ABCC2: variants seen among roughly 807,000 people sequenced by gnomAD.
The protein encoded by ABCC2 is ATP-binding cassette sub-family C member 2.
Under a neutral mutation model 173.4 loss-of-function variants are expected in ABCC2, and 157 were observed. The observed-to-expected ratio is 0.91, with a 90% CI of 0.80 to 1.03. The LOEUF is 1.03. Among genes scored for constraint, ABCC2 ranks in the 50% least tolerant of loss-of-function variants. ABCC2 has a pLI of 0.00. For synonymous variants in ABCC2, 657 were observed against 693.5 expected, an observed-to-expected ratio of 0.95 and a Z score of 0.83; for missense variants, 1,822 against 1,852.3, an observed-to-expected ratio of 0.98 and a Z score of 0.30.
chr10:99,819,434 T>C (rs1290748100), intron 19 of ABCC2, among the ~76,000 whole-genome samples, 165 bp downstream of exon 19: 2 of 152,312 alleles, frequency 1.3e-5, no homozygotes, highest in South Asian at 2.1e-4. Flanking sequence ...TGAGGAAACA[T>C]AGAAATTGAA....
At chr10:99,839,378 A>C (rs1295259171) in intron 25 of ABCC2, among the ~76,000 whole-genome samples, 7 of 34,892 alleles carry the variant, frequency 2.0e-4, no homozygotes, top group African/African-American at 3.1e-4. Flanking sequence ...ACCCCCCCCC[A>C]CCTCCCTCCC....
chr10:99,816,922 C>A (rs1046899615), intron 16 of ABCC2, among the ~76,000 whole-genome samples: 3 of 152,090 alleles, frequency 2.0e-5, no homozygotes, highest in Non-Finnish European at 2.9e-5. Flanking sequence ...AAAACCGGTC[C>A]CTGGTGCCAA....
Position 99,784,688 on chromosome 10 carries a change from C to CGGAA in ABCC2, c.114_115insGGAA (p.Tyr39GlyfsTer16). 1 of 1,614,244 alleles carries CGGAA rather than the reference C, an allele frequency of 6.2e-7. No homozygotes were observed. Among genetic ancestry groups the CGGAA allele is most frequent in the African/African-American group, 1.3e-5 (1 of 75,064 alleles). ...CTGTTCTGGTGTGGATTCCCTTGGGCTACCTATGGCTCCTGGCCCCCTGGC... is the reference window on the plus strand; with the variant it reads ...CTGTTCTGGTGTGGATTCCCTTGGGCGGAATACCTATGGCTCCTGGCCCCCTGGC... On this transcript the variant is annotated frameshift_variant, in exon 2 of 32. Coordinates refer to ENST00000647814, the MANE Select transcript of ABCC2 (RefSeq NM_000392.5). LOFTEE classifies it high-confidence loss of function.
chr10:99,804,157 T>C lies in ABCC2; in HGVS notation c.1348T>C (p.Leu450=). 6.2e-7 allele frequency: 1 copy of C among 1,614,176 alleles called. No individual in the cohort carries two copies. The highest frequency in any genetic ancestry group is 8.5e-7 in the Non-Finnish European group (1 of 1,180,028). Reference sequence around the variant, plus strand: ...GTGGTCAAGTGTTCTACAGATTGTCTTATCTATCTTCTTCCTATGGAGAGA... The same window carrying C: ...GTGGTCAAGTGTTCTACAGATTGTCCTATCTATCTTCTTCCTATGGAGAGA... The part of the protein sequence containing the change: ...MLWSSVLQIV[L]SIFFLWRELG... Residue 450 remains leucine (L), a synonymous_variant, in exon 10 of 32, where the codon TTA becomes CTA. Coordinates refer to ENST00000647814, the MANE Select transcript of ABCC2 (RefSeq NM_000392.5).
At chr10:99,842,967 C>T (rs1195464619) in intron 26 of ABCC2, among the ~76,000 whole-genome samples, 3 of 151,744 alleles carry the variant, frequency 2.0e-5, no homozygotes, top group Non-Finnish European at 4.4e-5. Context: ...GCAGGAGAAT[C>T]ACTTGAACCC....
At chr10:99,818,388 T>C (rs1283876907) in intron 17 of ABCC2, among the ~76,000 whole-genome samples, 1 of 152,142 alleles carries the variant, frequency 6.6e-6, no homozygotes, top group Non-Finnish European at 1.5e-5. Context: ...AATCTTGAGA[T>C]GTTAGAAGAT....
intron 15 of ABCC2, among the ~76,000 whole-genome samples, chr10:99,812,602 G>GCTC (rs2038235234): frequency 6.6e-6 from 1 of 152,152 alleles, no homozygotes; most frequent in South Asian, 2.1e-4. Context: ...AAGAAAGGAG[G>GCTC]GGTCCTTAGT....
intron 14 of ABCC2, 103 bp from the exon 15 acceptor site, chr10:99,811,433 G>C: frequency 8.3e-7 from 1 of 1,201,684 alleles, no homozygotes; most frequent in Non-Finnish European, 1.2e-6. Flanking sequence ...GCACTTAGCA[G>C]AAACAATCCT....
In ABCC2 at chr10:99,784,583, A is replaced by G. The variant is rs755183483; in HGVS notation, c.34-25A>G. The G allele has an allele frequency of 7.4e-6, 12 of 1,613,024 alleles. No homozygotes were observed. The Admixed American group carries it at 1.2e-4, about 16-fold the overall frequency. The stretch of plus-strand genomic sequence containing the variant: ...TCTGTCTTCACAATGCATGTATGCA[A>G]CAATCCTTCCCCTTTGGTCTCCAGA... On this transcript the variant is annotated intron_variant, in intron 1 of 31. Coordinates refer to ENST00000647814, the MANE Select transcript of ABCC2 (RefSeq NM_000392.5).
chr10:99,793,043 T>G (rs933505737), intron 3 of ABCC2, among the ~76,000 whole-genome samples: 3 of 74,750 alleles, frequency 4.0e-5, no homozygotes, highest in African/African-American at 5.4e-5. Flanking sequence ...CCCACCAGAA[T>G]GCTGTTTTAG....
chr10:99,836,752 G>A (rs1373075864), intron 25 of ABCC2, among the ~76,000 whole-genome samples: 1 of 152,196 alleles, frequency 6.6e-6, no homozygotes, highest in African/African-American at 2.4e-5. Flanking sequence ...GTTGGAGAGA[G>A]GAGAGTTGGG....
At position 99,845,729 on chromosome 10, in the gene ABCC2, A is replaced by G. The variant is rs769438303; in HGVS notation, c.4093A>G (p.Ile1365Val). Residue 1365 changes from isoleucine (I) to valine (V), a missense_variant, in exon 29 of 32, where the codon ATT becomes GTT. Ile to Val is a conservative substitution (Grantham distance 29). Coordinates refer to ENST00000647814, the MANE Select transcript of ABCC2 (RefSeq NM_000392.5). ...GGQIIIDGVD[I>V]ASIGLHDLRE... ...TCAGATTATCATTGATGGAGTAGATATTGCTTCCATTGGGCTCCACGACCT... is the reference window on the plus strand; with the variant it reads ...TCAGATTATCATTGATGGAGTAGATGTTGCTTCCATTGGGCTCCACGACCT... The G allele has an allele frequency of 6.2e-6, 10 of 1,613,586 alleles. No individual in the cohort carries two copies. The African/African-American group carries it at 1.1e-4, about 17-fold the overall frequency.
chr10:99,829,936 T>A (rs2038710173), intron 19 of ABCC2, among the ~76,000 whole-genome samples: 1 of 152,222 alleles, frequency 6.6e-6, no homozygotes, highest in African/African-American at 2.4e-5. Context: ...AAGATGAGCA[T>A]TTTCAATTTA....
At chr10:99,831,514 C>CA in intron 21 of ABCC2, 97 bp from the exon 22 acceptor site, 2 of 1,229,860 alleles carry the variant, frequency 1.6e-6, no homozygotes, top group Non-Finnish European at 2.4e-6. Context: ...CCCATGCTCC[C>CA]AGGGGACTCC....
At chr10:99,839,309 G>A (rs1367184030) in intron 25 of ABCC2, among the ~76,000 whole-genome samples, 3 of 109,754 alleles carry the variant, frequency 2.7e-5, no homozygotes, top group Non-Finnish European at 4.0e-5. Context: ...CAGTAGGGGC[G>A]GCCGGGCAGA....
At chr10:99,829,359 T>C (rs1019945187) in intron 19 of ABCC2, among the ~76,000 whole-genome samples, 13 of 152,202 alleles carry the variant, frequency 8.5e-5, no homozygotes, top group Admixed American at 7.9e-4. Context: ...CTTACTGTTC[T>C]TACTAAGTTT....
At chr10:99,787,668 G>A (rs1020237814) in intron 2 of ABCC2, among the ~76,000 whole-genome samples, 9 of 149,370 alleles carry the variant, frequency 6.0e-5, no homozygotes, top group East Asian at 2.0e-4. Context: ...TTTCATTTGC[G>A]AATTGTCTGT....
intron 16 of ABCC2, among the ~76,000 whole-genome samples, chr10:99,815,969 GT>G (rs552969751): frequency 0.047 from 6,323 of 135,224 alleles, 80 homozygotes; most frequent in Middle Eastern, 0.17. Flanking sequence ...TTCTGGTCTT[GT>G]TTTTTTTTTT....
intron 2 of ABCC2, chr10:99,788,599 G>C (rs2037761186): frequency 6.5e-6 from 1 of 152,692 alleles, no homozygotes; most frequent in Non-Finnish European, 1.5e-5. Context: ...AGTAATTTAG[G>C]AATAAACCTA....
Sources: allele counts gnomAD v4.1 joint callset (sites outside exome capture counted in the v4.1 genomes callset), GRCh38; gene constraint gnomAD v4.1.1; transcripts MANE v1.5; gene names NCBI Gene and HGNC (gene_info 2026-07-23, HGNC 2026-07-21).